Variants in TOM1L1 observed in about 807,000 individuals in gnomAD.
The protein encoded by TOM1L1 is TOM1-like protein 1.
TOM1L1 carries 64 observed loss-of-function variants against 63.4 expected under a neutral mutation model. That is an observed-to-expected ratio of 1.01 (90% CI 0.83 to 1.24). The LOEUF (loss-of-function observed/expected upper bound fraction) is 1.24, where lower values mean the gene tolerates loss of function less well. Ranked by LOEUF, TOM1L1 falls within the 50% of genes most tolerant of loss-of-function variation. The probability of loss-of-function intolerance (pLI) is 0.00; values close to 1 mark genes in which losing one functional copy is unlikely to be tolerated. For missense variants in TOM1L1, 536 were observed against 567.0 expected, an observed-to-expected ratio of 0.95 and a Z score of 0.55; for synonymous variants, 166 against 194.4, an observed-to-expected ratio of 0.85 and a Z score of 1.22.
At chr17:54,960,545 G>C (rs765150153) in intron 14 of TOM1L1, 21 bp from the exon 15 acceptor site, 5 of 1,606,508 alleles carry the variant, frequency 3.1e-6, no homozygotes, top group South Asian at 1.1e-5. Flanking sequence ...TAACCCTTTT[G>C]CTGTGATGGC....
rs959439226 is a variant in TOM1L1, at chr17:54,913,824, G to A, written c.449G>A (p.Gly150Asp). 6.2e-7 allele frequency: 1 copy of A among 1,612,338 alleles called. No homozygotes were observed. Among genetic ancestry groups the A allele is most frequent in the Non-Finnish European group, 8.5e-7 (1 of 1,178,922 alleles). ...KEVYLDLVKK[G>D]VQFPPSEAEA... ...GTATACCTCGACCTGGTTAAGAAAG[G>A]CGTTCAGTTTCCTCCCTCAGAAGCA... Residue 150 changes from glycine (G) to aspartate (D), a missense_variant, in exon 5 of 16, where the codon GGC becomes GAC. Coordinates refer to ENST00000575882, the MANE Select transcript of TOM1L1 (RefSeq NM_005486.3).
chr17:54,956,385 A>C (rs953603740), intron 14 of TOM1L1, among the ~76,000 whole-genome samples: 1 of 152,028 alleles, frequency 6.6e-6, no homozygotes, highest in African/African-American at 2.4e-5. Flanking sequence ...GCTCACTGCA[A>C]CTTCTGCCTC....
At chr17:54,917,090 GT>G (rs1248564413) in intron 7 of TOM1L1, 2 of 152,152 alleles carry the variant, frequency 1.3e-5, no homozygotes, top group African/African-American at 4.8e-5. Context: ...AAATTGTACT[GT>G]TCCCTCTGAA....
At chr17:54,935,566 C>G (rs9907961) in intron 8 of TOM1L1, among the ~76,000 whole-genome samples, 43,945 of 151,968 alleles carry the variant, frequency 0.29, 6,391 homozygotes, top group Middle Eastern at 0.31. Flanking sequence ...CCTGTGCTAT[C>G]TAGTTTTGCC....
rs148857458 is a variant in TOM1L1 at position 54,911,787 on chromosome 17, C to T, written c.223-879C>T. Reference sequence around the variant, plus strand: ...CTTGCCTTTGCAGAGTGCTGCCTGACAACCTATCCAGAATATTACTTTGCA... The same window carrying T: ...CTTGCCTTTGCAGAGTGCTGCCTGATAACCTATCCAGAATATTACTTTGCA... On this transcript the variant is annotated intron_variant, in intron 3 of 15. Coordinates refer to ENST00000575882, the MANE Select transcript of TOM1L1 (RefSeq NM_005486.3). Among the ~76,000 whole-genome samples, 441 of 152,318 alleles carry T rather than the reference C, an allele frequency of 2.9e-3. 1 individual carries two copies. The highest frequency in any genetic ancestry group is 0.01 in the African/African-American group (419 of 41,572).
intron 10 of TOM1L1, among the ~76,000 whole-genome samples, chr17:54,938,215 C>T (rs1268527589): frequency 1.3e-5 from 2 of 152,044 alleles, no homozygotes; most frequent in Non-Finnish European, 1.5e-5. Flanking sequence ...GCCTGGAGGC[C>T]AGGCATAGTG....
At chr17:54,932,806 T>C (rs2048885885) in intron 8 of TOM1L1, among the ~76,000 whole-genome samples, 1 of 152,224 alleles carries the variant, frequency 6.6e-6, no homozygotes, top group Non-Finnish European at 1.5e-5. Context: ...CAAAAAAATA[T>C]CCAAGGAAAA....
chr17:54,941,221 G>A (rs2049027909), intron 11 of TOM1L1, among the ~76,000 whole-genome samples: 1 of 152,098 alleles, frequency 6.6e-6, no homozygotes, highest in Non-Finnish European at 1.5e-5. Context: ...TTGTATCAGT[G>A]GATTTAGATT....
intron 4 of TOM1L1, 57 bp from the exon 5 acceptor site, chr17:54,913,691 G>A: frequency 3.7e-6 from 5 of 1,343,118 alleles, no homozygotes; most frequent in African/African-American, 1.5e-5. Context: ...AAAAAGAATT[G>A]TGTTTTGGTT....
At chr17:54,925,950 T>C (rs1193371046) in intron 7 of TOM1L1, among the ~76,000 whole-genome samples, 1 of 152,088 alleles carries the variant, frequency 6.6e-6, no homozygotes, top group Non-Finnish European at 1.5e-5. Context: ...TACTTGGAAG[T>C]TCTTCCTGTT....
intron 14 of TOM1L1, among the ~76,000 whole-genome samples, chr17:54,958,730 C>CAAAA (rs61603848): frequency 2.3e-4 from 13 of 57,498 alleles, no homozygotes; most frequent in African/African-American, 5.2e-4. Context: ...AACTCCATCT[C>CAAAA]AAAAAAAAAA....
At chr17:54,949,968 A>G in intron 13 of TOM1L1, 77 bp from the exon 14 acceptor site, 1 of 1,190,602 alleles carries the variant, frequency 8.4e-7, no homozygotes, top group Non-Finnish European at 1.2e-6. Context: ...TTGAAGTCTA[A>G]ATTATAAAAA....
At chr17:54,919,262 T>C (rs1480107685) in intron 7 of TOM1L1, among the ~76,000 whole-genome samples, 1 of 152,172 alleles carries the variant, frequency 6.6e-6, no homozygotes, top group Non-Finnish European at 1.5e-5. Context: ...AAAAATTAAA[T>C]ATCAAAGTAA....
chr17:54,941,964 TATA>T (rs2049037915), intron 11 of TOM1L1, among the ~76,000 whole-genome samples: 1 of 152,208 alleles, frequency 6.6e-6, no homozygotes, highest in Non-Finnish European at 1.5e-5. Context: ...TAAAATGTCT[TATA>T]ATGTTGAGAT....
At chr17:54,920,499 A>G (rs2048666521) in intron 7 of TOM1L1, among the ~76,000 whole-genome samples, 1 of 152,208 alleles carries the variant, frequency 6.6e-6, no homozygotes, top group Non-Finnish European at 1.5e-5. Context: ...AGGCCTCCAG[A>G]ACAGTGAGAC....
At chr17:54,905,437 C>T in intron 2 of TOM1L1, 52 bp from the exon 3 acceptor site, 1 of 1,245,850 alleles carries the variant, frequency 8.0e-7, no homozygotes, top group East Asian at 2.3e-5. Flanking sequence ...AGAGAGACTG[C>T]TTGTTTTCAG....
chr17:54,922,434 C>G (rs899831322), intron 7 of TOM1L1, among the ~76,000 whole-genome samples: 1 of 152,104 alleles, frequency 6.6e-6, no homozygotes, highest in Non-Finnish European at 1.5e-5. Flanking sequence ...TAGTGAGACT[C>G]TGTTGCTACA....
At chr17:54,920,359 T>A (rs759858157) in intron 7 of TOM1L1, among the ~76,000 whole-genome samples, 1 of 152,186 alleles carries the variant, frequency 6.6e-6, no homozygotes, top group Non-Finnish European at 1.5e-5. Context: ...AACCAACCAA[T>A]ATTCACAATT....
chr17:54,947,456 A>AT, intron 12 of TOM1L1, 144 bp downstream of exon 12: 1 of 871,434 alleles, frequency 1.1e-6, no homozygotes, highest in Non-Finnish European at 1.8e-6. Context: ...AAGGATCAAA[A>AT]TTTTTTTGGA....
Sources: allele counts gnomAD v4.1 joint callset (sites outside exome capture counted in the v4.1 genomes callset), GRCh38; gene constraint gnomAD v4.1.1; transcripts MANE v1.5; gene names NCBI Gene and HGNC (gene_info 2026-07-23, HGNC 2026-07-21).